INSR: variants seen among roughly 807,000 people sequenced by gnomAD.
The protein encoded by INSR is insulin receptor.
In INSR, 67 loss-of-function variants were observed where a neutral mutation model predicts 142.6. The observed-to-expected ratio is 0.47, with a 90% CI of 0.39 to 0.58. The LOEUF is 0.58. Ranked by LOEUF, INSR falls within the 20% of genes least tolerant of loss-of-function variation. The pLI is 0.00. For missense variants in INSR, 1,248 were observed against 1,833.2 expected (o/e 0.68, Z 5.83); for synonymous variants, 756 against 743.1 (o/e 1.02, Z -0.28).
At chr19:7,219,491 AG>A (rs1235827369) in intron 2 of INSR, among the ~76,000 whole-genome samples, 1 of 130,926 alleles carries the variant, frequency 7.6e-6, no homozygotes, top group Admixed American at 7.9e-5. Flanking sequence ...GAGGGAAGGA[AG>A]GAAGGAGGGA....
chr19:7,164,575 T>A (rs531789369), intron 8 of INSR, among the ~76,000 whole-genome samples: 100 of 139,632 alleles, frequency 7.2e-4, no homozygotes, highest in Middle Eastern at 4.4e-3. Flanking sequence ...CCCAGCACTT[T>A]GGGAAGCCGA....
rs953960024 is a variant in INSR, at chr19:7,119,771, C to T, written c.3660-188G>A. 1.4e-5 allele frequency among the ~76,000 whole-genome samples: 2 copies of T among 144,552 alleles called. No individual in the cohort carries two copies. Among genetic ancestry groups the T allele is most frequent in the African/African-American group, 5.4e-5 (2 of 36,976 alleles). The allele number at this position is 144,552 out of a possible 152,430, so 94.8% of individuals were successfully genotyped here. A position where few individuals can be genotyped will look rare whatever the true frequency, so the allele number is the denominator to read the frequency against. On this transcript the variant is annotated intron_variant, in intron 20 of 21. Transcript: ENST00000302850. This position sits in a 1 kb window ranked among gnomAD's most constrained non-coding sequence, Gnocchi z 5.2. The stretch of plus-strand genomic sequence containing the variant: ...ACACACATGCAAATACACACAAACA[C>T]GCATGCGCACACATGCACACACAAA...
chr19:7,164,882 A>C (rs1973855813), intron 8 of INSR, among the ~76,000 whole-genome samples: 1 of 150,092 alleles, frequency 6.7e-6, no homozygotes, highest in South Asian at 2.1e-4. Flanking sequence ...CTGTAATCCC[A>C]GCACTTTGGG....
At chr19:7,157,936 T>TTA (rs1225170538) in intron 9 of INSR, among the ~76,000 whole-genome samples, 2 of 151,712 alleles carry the variant, frequency 1.3e-5, no homozygotes, top group Non-Finnish European at 2.9e-5. Context: ...CTTCTTAAGT[T>TTA]TATAAATAGA....
chr19:7,148,783 C>A (rs1015626414), intron 11 of INSR, among the ~76,000 whole-genome samples: 2 of 146,160 alleles, frequency 1.4e-5, no homozygotes, highest in African/African-American at 5.1e-5. Flanking sequence ...CAGCTGTGGC[C>A]CCAAATATTA....
intron 3 of INSR, among the ~76,000 whole-genome samples, chr19:7,178,719 A>AAACAAAC (rs1555745639): frequency 1.3e-5 from 2 of 151,940 alleles, no homozygotes; most frequent in African/African-American, 2.4e-5. Context: ...ACTCCGTCTC[A>AAACAAAC]AAACAAACAA....
chr19:7,129,917 T>G (rs926641037), intron 14 of INSR, among the ~76,000 whole-genome samples: 3 of 152,006 alleles, frequency 2.0e-5, no homozygotes, highest in African/African-American at 7.2e-5. Flanking sequence ...TTTGTATTTT[T>G]TTGTGGAGAC....
At position 7,114,214 on chromosome 19, in the gene INSR, G is replaced by C. The variant is rs970668735; in HGVS notation, c.*2842C>G. On this transcript the variant is annotated 3_prime_UTR_variant, in exon 22 of 22. Coordinates refer to ENST00000302850, the MANE Select transcript of INSR (RefSeq NM_000208.4). ...TGAAAGGAGTGGGCATAAACCATCA[G>C]GGAGCCCAGGGCACCTTTGTGCTCA... The C allele has an allele frequency of 1.3e-5, 2 of 152,176 alleles. No individual in the cohort carries two copies. The highest frequency in any genetic ancestry group is 2.9e-5 in the Non-Finnish European group (2 of 68,040). 9.4% of individuals were successfully genotyped at this position (152,176 alleles called of 1,614,324 possible).
chr19:7,293,176 A>G (rs1968543360), intron 1 of INSR, among the ~76,000 whole-genome samples: 1 of 152,170 alleles, frequency 6.6e-6, no homozygotes, highest in South Asian at 2.1e-4. Flanking sequence ...TTCTGCTACA[A>G]TTGCTGCTGT....
At chr19:7,180,335 G>A (rs896804942) in intron 3 of INSR, among the ~76,000 whole-genome samples, 2 of 151,956 alleles carry the variant, frequency 1.3e-5, no homozygotes, top group Non-Finnish European at 2.9e-5. Flanking sequence ...TTCAAGACGA[G>A]CCTGGGGAAT....
At chr19:7,160,941 A>G (rs141368382) in intron 9 of INSR, among the ~76,000 whole-genome samples, 35,091 of 149,198 alleles carry the variant, frequency 0.24, 4,917 homozygotes, top group Non-Finnish European at 0.3. Flanking sequence ...GGTTGCAGTG[A>G]GCCAAGATCA....
chr19:7,200,028 A>G (rs1401216579), intron 2 of INSR, among the ~76,000 whole-genome samples: 1 of 152,196 alleles, frequency 6.6e-6, no homozygotes, highest in Non-Finnish European at 1.5e-5. Context: ...GGCTATGTTC[A>G]GAGAACTATA....
At chr19:7,185,862 G>A (rs199829231) in intron 2 of INSR, among the ~76,000 whole-genome samples, 670 of 45,774 alleles carry the variant, frequency 0.015, 2 homozygotes, top group East Asian at 0.051. Context: ...AAAAAAAAGA[G>A]AGAGAGAGAC....
intron 2 of INSR, among the ~76,000 whole-genome samples, chr19:7,189,232 A>G (rs1974513405): frequency 6.6e-6 from 1 of 152,226 alleles, no homozygotes; most frequent in African/African-American, 2.4e-5. Context: ...TCAGAGGGTC[A>G]GCCCTTTCAT....
chr19:7,163,770 G>A (rs1328407271), intron 8 of INSR, among the ~76,000 whole-genome samples: 2 of 150,998 alleles, frequency 1.3e-5, no homozygotes, highest in African/African-American at 4.9e-5. Context: ...AAGAAGATAG[G>A]GTTGATTTAT....
intron 14 of INSR, among the ~76,000 whole-genome samples, chr19:7,131,079 C>T (rs138125232): frequency 4.6e-5 from 7 of 151,220 alleles, no homozygotes; most frequent in East Asian, 2.0e-4. Context: ...GGGGTTTCAC[C>T]ATGTTGGTCA....
chr19:7,271,863 A>G (rs1967934883), intron 1 of INSR, among the ~76,000 whole-genome samples: 1 of 152,110 alleles, frequency 6.6e-6, no homozygotes, highest in South Asian at 2.1e-4. Flanking sequence ...TTAAAACATT[A>G]GCTAGGAATG....
intron 1 of INSR, among the ~76,000 whole-genome samples, chr19:7,293,421 G>C (rs1270591306): frequency 2.0e-5 from 3 of 152,210 alleles, no homozygotes; most frequent in Non-Finnish European, 4.4e-5. Context: ...TCCAGACCCA[G>C]TGACCCCACT....
Position 7,197,834 on chromosome 19 carries a change from ACGAG to A in INSR, c.653-13201_653-13198del, listed in dbSNP as rs1377682236. On this transcript the variant is annotated intron_variant, in intron 2 of 21. Coordinates refer to ENST00000302850, the MANE Select transcript of INSR (RefSeq NM_000208.4). The stretch of plus-strand genomic sequence containing the variant: ...GGAGAGAGAGCGAGAGAGAGAGAGA[ACGAG>A]AGAGAGAGAGAGAGAACGAGAGAGA... 6.5e-3 allele frequency among the ~76,000 whole-genome samples: 180 copies of A among 27,864 alleles called. 4 individuals are homozygous for A. Among genetic ancestry groups the A allele is most frequent in the African/African-American group, 0.03 (168 of 5,602 alleles). 18.3% of individuals were successfully genotyped at this position (27,864 alleles called of 152,430 possible). A position where few individuals can be genotyped will look rare whatever the true frequency, so the allele number is the denominator to read the frequency against.
Sources: allele counts gnomAD v4.1 joint callset (sites outside exome capture counted in the v4.1 genomes callset), GRCh38; gene constraint gnomAD v4.1.1; non-coding constraint Gnocchi (gnomAD v3.1); transcripts MANE v1.5; gene names NCBI Gene and HGNC (gene_info 2026-07-23, HGNC 2026-07-21).